The following LRRC71 variants were observed in gnomAD, a reference collection of about 807,000 sequenced individuals.
LRRC71 encodes leucine rich repeat containing 71.
A neutral mutation model predicts 66.6 loss-of-function variants in LRRC71; 54 were observed. The ratio of observed to expected loss-of-function variants is 0.81; its 90% CI spans 0.65 to 1.02. The LOEUF is 1.02. LRRC71 is among the 50% of genes least tolerant of loss of function. LRRC71 has a pLI of 0.00. For synonymous variants in LRRC71, 323 were observed against 303.9 expected, an observed-to-expected ratio of 1.06 and a Z score of -0.65; for missense variants, 724 against 718.0, an observed-to-expected ratio of 1.01 and a Z score of -0.10.
chr1:156,924,425 C>T lies in LRRC71; in HGVS notation c.312C>T (p.Asp104=), dbSNP rs760510046. The stretch of plus-strand genomic sequence containing the variant: ...TCCCTCCTCACCTCTGCCTTCCAGA[C>T]GATCCGCGGCTGTCGGGGTCCTGCA... ...SASLSEKATL[D]DPRLSGSCSL... is the part of the protein sequence containing the mutation. Residue 104 remains aspartate (D), a splice_region_variant and synonymous_variant, in exon 3 of 15, where the codon GAC becomes GAT. Coordinates refer to ENST00000337428, the MANE Select transcript of LRRC71 (RefSeq NM_144702.3). The T allele has an allele frequency of 1.9e-5, 30 of 1,550,028 alleles. No homozygotes were observed. The highest frequency in any genetic ancestry group is 2.4e-5 in the Non-Finnish European group (28 of 1,146,888).
At chr1:156,932,107 C>A in intron 13 of LRRC71, 80 bp downstream of exon 13, 2 of 1,138,592 alleles carry the variant, frequency 1.8e-6, no homozygotes, top group Non-Finnish European at 2.6e-6. Context: ...TACCCCGACT[C>A]TATGGAGCAG....
At position 156,929,399 on chromosome 1, in the gene LRRC71, G is replaced by A; in HGVS notation, c.1116G>A (p.Lys372=). The A allele has an allele frequency of 3.7e-6, 6 of 1,613,918 alleles. No homozygotes were observed. The highest frequency in any genetic ancestry group is 1.1e-5 in the South Asian group (1 of 91,048). ...AGACGCAGACAATGAAAACCCCTAAGGGCCTGGGCAAGAAAAAGGAGAAAT... is the reference window on the plus strand; with the variant it reads ...AGACGCAGACAATGAAAACCCCTAAAGGCCTGGGCAAGAAAAAGGAGAAAT... ...TDKTQTMKTP[K]GLGKKKEKSW... is the part of the protein sequence containing the mutation. Residue 372 remains lysine (K), a synonymous_variant, in exon 10 of 15, where the codon AAG becomes AAA. Transcript: ENST00000337428.
chr1:156,936,105 C>G, downstream of LRRC71: 1 of 1,574,240 alleles, frequency 6.4e-7, no homozygotes, highest in Non-Finnish European at 8.7e-7. Context: ...CTGAGGTGAC[C>G]GCTTCCACAT....
chr1:156,928,381 T>TTCTTCTTC (rs1478728566), intron 9 of LRRC71, among the ~76,000 whole-genome samples: 3 of 133,940 alleles, frequency 2.2e-5, no homozygotes, highest in African/African-American at 6.4e-5. Context: ...CTTCTTCTTC[T>TTCTTCTTC]TCTTCTTCTT....
downstream of LRRC71, chr1:156,936,759 G>A (rs959269970): frequency 3.1e-5 from 48 of 1,560,966 alleles, no homozygotes; most frequent in Admixed American, 1.6e-4. Flanking sequence ...GTGTCCTCAC[G>A]AGTTGGCAGA....
intron 2 of LRRC71, 133 bp from the exon 3 acceptor site, chr1:156,924,291 G>A (rs1652851266): frequency 2.9e-6 from 4 of 1,356,230 alleles, no homozygotes; most frequent in East Asian, 2.5e-5. Context: ...GCGAGTGGCC[G>A]GAGAGGCAGA....
At chr1:156,937,541 G>A (rs1249479998), downstream of LRRC71, 3 of 1,499,018 alleles carry the variant, frequency 2.0e-6, no homozygotes, top group Admixed American at 4.7e-5. Flanking sequence ...AAACAGAGAA[G>A]TCGAAGCTAT....
rs1160945868 is a variant in LRRC71 at position 156,932,520 on chromosome 1, TG to T, written c.1542del (p.Leu515CysfsTer20). 1 of 1,613,972 alleles carries T rather than the reference TG, an allele frequency of 6.2e-7. No individual in the cohort carries two copies. The highest frequency in any genetic ancestry group is 1.7e-5 in the Admixed American group (1 of 60,022). ...GCCAAGAGTGCATCCAAGGGTCCAGTGGGGCTGCTGTGGCTGTCCCTGGCTG... is the reference window on the plus strand; with the variant it reads ...GCCAAGAGTGCATCCAAGGGTCCAGTGGGCTGCTGTGGCTGTCCCTGGCTG... ...SKAKSASKGPVGLLWLSLAKN... is the reference protein window; with the variant it reads ...SKAKSASKGPXGLLWLSLAKN... On this transcript the variant is annotated frameshift_variant, in exon 14 of 15. Coordinates refer to ENST00000337428, the MANE Select transcript of LRRC71 (RefSeq NM_144702.3). LOFTEE classifies it high-confidence loss of function.
chr1:156,938,095 T>C, the LRRC71 span, among the ~76,000 whole-genome samples: 1 of 152,090 alleles, frequency 6.6e-6, no homozygotes. Context: ...GGTGGGGAAG[T>C]GGCTGCTTGC....
At chr1:156,938,270 T>G in the LRRC71 span, 1 of 683,650 alleles carries the variant, frequency 1.5e-6, no homozygotes, top group Non-Finnish European at 2.4e-6. Context: ...CTCCCCGTCT[T>G]TAGAGCCAGA....
the LRRC71 span, among the ~76,000 whole-genome samples, chr1:156,940,950 T>C: frequency 6.6e-6 from 1 of 152,170 alleles, no homozygotes; most frequent in African/African-American, 2.4e-5. Flanking sequence ...TGCTGTCCCC[T>C]CTACCAATCC....
rs773367784 is a variant in LRRC71, at chr1:156,927,730, T to C, written c.823-3T>C. 5.0e-6 allele frequency: 8 copies of C among 1,608,698 alleles called. No individual in the cohort carries two copies. The East Asian group carries it at 1.3e-4, about 27-fold the overall frequency. Reference sequence around the variant, plus strand: ...GGCTCACGCGTCCCTGCCCGCCTCTTAGGGCCTCCGGCTGAACCGTTCCCT... The same window carrying C: ...GGCTCACGCGTCCCTGCCCGCCTCTCAGGGCCTCCGGCTGAACCGTTCCCT... On this transcript the variant is annotated splice_region_variant and splice_polypyrimidine_tract_variant and intron_variant, in intron 7 of 14. Coordinates refer to ENST00000337428, the MANE Select transcript of LRRC71 (RefSeq NM_144702.3).
At chr1:156,939,968 G>A in the LRRC71 span, 3 of 1,580,304 alleles carry the variant, frequency 1.9e-6, no homozygotes, top group African/African-American at 2.7e-5. Context: ...ACGCCAGAAG[G>A]ATCGTTGTAC....
chr1:156,933,128 G>A (rs539165897), downstream of LRRC71: 12 of 587,838 alleles, frequency 2.0e-5, no homozygotes, highest in South Asian at 1.1e-4. Context: ...GAACTACTTG[G>A]AACATTTAGA....
At chr1:156,928,435 T>C (rs56302966) in intron 9 of LRRC71, among the ~76,000 whole-genome samples, 3 of 65,928 alleles carry the variant, frequency 4.6e-5, no homozygotes, top group African/African-American at 7.0e-5. Context: ...CCTCTTCTTC[T>C]TCCTCTTCCT....
downstream of LRRC71, chr1:156,937,576 A>G (rs1316728712): frequency 2.1e-6 from 3 of 1,449,208 alleles, no homozygotes; most frequent in African/African-American, 1.4e-5. Flanking sequence ...GGGATTCCCC[A>G]GCCACCTGAC....
chr1:156,937,386 C>T, downstream of LRRC71: 1 of 1,605,904 alleles, frequency 6.2e-7, no homozygotes, highest in South Asian at 1.1e-5. Context: ...GGCTGAGGCT[C>T]TGTCTGCCCT....
the LRRC71 span, chr1:156,940,295 G>A: frequency 6.2e-7 from 1 of 1,613,730 alleles, no homozygotes; most frequent in Non-Finnish European, 8.5e-7. Context: ...TGATGCCCCT[G>A]TTCTCTCCAT....
chr1:156,934,967 T>TTATA (rs964369224), downstream of LRRC71: 26 of 147,132 alleles, frequency 1.8e-4, no homozygotes, highest in Non-Finnish European at 3.0e-5. Flanking sequence ...ATATATATAT[T>TTATA]TATATATATA....
Sources: gnomAD v4.1 joint callset for allele counts (sites outside exome capture counted in the v4.1 genomes callset) on GRCh38, gnomAD v4.1.1 for gene constraint, MANE v1.5 for transcripts, NCBI Gene and HGNC (gene_info 2026-07-23, HGNC 2026-07-21) for gene names.